Variants in STXBP5L observed in about 807,000 individuals in gnomAD.
The protein encoded by STXBP5L is syntaxin-binding protein 5-like.
A neutral mutation model predicts 144.5 loss-of-function variants in STXBP5L; 65 were observed. The observed-to-expected ratio is 0.45, with a 90% CI of 0.37 to 0.55. The LOEUF (loss-of-function observed/expected upper bound fraction) is 0.55, where lower values mean the gene tolerates loss of function less well. Ranked by LOEUF, STXBP5L falls within the 20% of genes least tolerant of loss-of-function variation. The pLI is 0.00. For synonymous variants in STXBP5L, 505 were observed against 469.6 expected (o/e 1.08, Z -0.97); for missense variants, 1,298 against 1,405.5 (o/e 0.92, Z 1.22).
At chr3:121,210,396 T>C (rs1481632660) in intron 10 of STXBP5L, among the ~76,000 whole-genome samples, 1 of 151,900 alleles carries the variant, frequency 6.6e-6, no homozygotes, top group Admixed American at 6.6e-5. Flanking sequence ...TTCACTCTGA[T>C]GGTCGTTTCT....
rs115435031 is a variant in STXBP5L at position 121,241,602 on chromosome 3, G to A, written c.1400+1095G>A. 4.2e-3 allele frequency among the ~76,000 whole-genome samples: 632 copies of A among 152,194 alleles called. 1 individual carries two copies. Among genetic ancestry groups the A allele is most frequent in the African/African-American group, 0.014 (585 of 41,524 alleles). ...TGGTGGGTGAAACCCCTCCCCTGTGGTGTCAGTGGGGAGCTAGAATTCTCA... is the reference window on the plus strand; with the variant it reads ...TGGTGGGTGAAACCCCTCCCCTGTGATGTCAGTGGGGAGCTAGAATTCTCA... On this transcript the variant is annotated intron_variant, in intron 14 of 26. Coordinates refer to ENST00000471454, the MANE Select transcript of STXBP5L (RefSeq NM_001308330.2).
chr3:121,093,866 G>T (rs535228264), intron 5 of STXBP5L, among the ~76,000 whole-genome samples: 1 of 151,822 alleles, frequency 6.6e-6, no homozygotes, highest in Admixed American at 6.6e-5. Flanking sequence ...GTGATGTTAG[G>T]GTGTCAATTT....
chr3:121,372,301 T>C (rs113129509), intron 20 of STXBP5L, among the ~76,000 whole-genome samples: 2,942 of 151,940 alleles, frequency 0.019, 92 homozygotes, highest in African/African-American at 0.066. Context: ...CCCTATAGAG[T>C]TCAGGCCTCA....
intron 5 of STXBP5L, among the ~76,000 whole-genome samples, chr3:121,110,881 G>T (rs1483133187): frequency 1.3e-5 from 2 of 151,994 alleles, no homozygotes; most frequent in Non-Finnish European, 2.9e-5. Context: ...TCAGAAGTTT[G>T]GTCTTTTTAC....
intron 19 of STXBP5L, among the ~76,000 whole-genome samples, chr3:121,282,598 C>T (rs2051098056): frequency 6.6e-6 from 1 of 151,824 alleles, no homozygotes; most frequent in African/African-American, 2.4e-5. Context: ...CCTACTATTC[C>T]AAGAGTCACT....
chr3:121,144,001 T>G (rs949680117), intron 7 of STXBP5L, among the ~76,000 whole-genome samples: 31 of 151,790 alleles, frequency 2.0e-4, no homozygotes, highest in Middle Eastern at 3.4e-3. Context: ...AAGGTCAAAC[T>G]AAAAAGCTTC....
At chr3:120,991,354 G>A (rs1285549049) in intron 3 of STXBP5L, among the ~76,000 whole-genome samples, 4 of 151,652 alleles carry the variant, frequency 2.6e-5, no homozygotes, top group Non-Finnish European at 4.4e-5. Flanking sequence ...AGGATGTGGA[G>A]AAATAGGAAC....
intron 5 of STXBP5L, among the ~76,000 whole-genome samples, chr3:121,106,541 G>C (rs1356609019): frequency 6.6e-6 from 1 of 152,060 alleles, no homozygotes; most frequent in Admixed American, 6.6e-5. Flanking sequence ...TAATGGCTTT[G>C]AGCTCCATCC....
chr3:121,064,433 G>A (rs781218902), intron 5 of STXBP5L, among the ~76,000 whole-genome samples: 10 of 152,300 alleles, frequency 6.6e-5, no homozygotes, highest in Non-Finnish European at 1.0e-4. Flanking sequence ...CTTGCCAGCC[G>A]CTCTTGCATT....
At chr3:121,186,928 G>A (rs1001202158) in intron 9 of STXBP5L, among the ~76,000 whole-genome samples, 14 of 152,156 alleles carry the variant, frequency 9.2e-5, no homozygotes, top group African/African-American at 1.4e-4. Context: ...GTGCTGGAGA[G>A]GATGTGGAGA....
In STXBP5L at chr3:121,422,462, G is replaced by A. The variant is rs1002304592; in HGVS notation, c.*3365G>A. The A allele has an allele frequency of 6.6e-6, 1 of 152,108 alleles. No individual in the cohort carries two copies. The highest frequency in any genetic ancestry group is 2.4e-5 in the African/African-American group (1 of 41,400). 9.4% of individuals were successfully genotyped at this position (152,108 alleles called of 1,614,324 possible). On this transcript the variant is annotated 3_prime_UTR_variant, in exon 27 of 27. Coordinates refer to ENST00000471454, the MANE Select transcript of STXBP5L (RefSeq NM_001308330.2). The stretch of plus-strand genomic sequence containing the variant: ...ATTTATTCATCTGTGAGAAGCTAGA[G>A]GTATTTGTTTCCCTGATAATAACGT...
intron 5 of STXBP5L, among the ~76,000 whole-genome samples, chr3:121,108,555 G>A (rs2043821994): frequency 6.6e-6 from 1 of 152,104 alleles, no homozygotes; most frequent in South Asian, 2.1e-4. Flanking sequence ...TTGCATCCCG[G>A]GGATGAAGCC....
At position 121,336,990 on chromosome 3, in the gene STXBP5L, G is replaced by A. The variant is rs141444226; in HGVS notation, c.2176+18450G>A. ...CTGGAGGCCATCATCCTTAGCAAAC[G>A]AATGCAGGAACAGAAAACCAAATAC... On this transcript the variant is annotated intron_variant, in intron 20 of 26. Coordinates refer to ENST00000471454, the MANE Select transcript of STXBP5L (RefSeq NM_001308330.2). Among the ~76,000 whole-genome samples, 427 of 152,170 alleles carry A rather than the reference G, an allele frequency of 2.8e-3. 5 individuals carry two copies. The highest frequency in any genetic ancestry group is 9.8e-3 in the African/African-American group (407 of 41,528).
At chr3:121,057,444 GA>G (rs932401978) in intron 5 of STXBP5L, among the ~76,000 whole-genome samples, 30 of 151,992 alleles carry the variant, frequency 2.0e-4, no homozygotes, top group African/African-American at 7.2e-4. Flanking sequence ...CCTAAATCAA[GA>G]TACAGAAAAT....
chr3:121,047,432 T>C (rs890569202), intron 5 of STXBP5L, among the ~76,000 whole-genome samples: 3 of 152,096 alleles, frequency 2.0e-5, no homozygotes, highest in African/African-American at 7.2e-5. Context: ...GGATGGTCTA[T>C]CTAAAAACTG....
chr3:121,402,979 C>G (rs918226337), intron 22 of STXBP5L, among the ~76,000 whole-genome samples: 2 of 152,110 alleles, frequency 1.3e-5, no homozygotes, highest in African/African-American at 4.8e-5. Context: ...ACAGGCATGC[C>G]ATCATGCCTG....
intron 3 of STXBP5L, among the ~76,000 whole-genome samples, chr3:121,000,064 G>A (rs1046188975): frequency 6.6e-6 from 1 of 152,072 alleles, no homozygotes; most frequent in Non-Finnish European, 1.5e-5. Context: ...ATTGAGCTTG[G>A]GGAATCTGAT....
intron 5 of STXBP5L, among the ~76,000 whole-genome samples, chr3:121,064,914 G>A (rs538186736): frequency 3.6e-4 from 55 of 152,138 alleles, no homozygotes; most frequent in Non-Finnish European, 6.0e-4. Flanking sequence ...TCTTCTAGAA[G>A]TTCATAGTGT....
At chr3:120,974,995 C>T (rs905589330) in intron 3 of STXBP5L, among the ~76,000 whole-genome samples, 3 of 152,086 alleles carry the variant, frequency 2.0e-5, no homozygotes, top group South Asian at 4.1e-4. Context: ...CAGCTTTGTT[C>T]TTTTGGCTTA....
Sources: gnomAD v4.1 joint callset for allele counts (sites outside exome capture counted in the v4.1 genomes callset) on GRCh38, gnomAD v4.1.1 for gene constraint, MANE v1.5 for transcripts, NCBI Gene and HGNC (gene_info 2026-07-23, HGNC 2026-07-21) for gene names.